Variants in PCLO observed in about 807,000 individuals in gnomAD.
PCLO encodes piccolo presynaptic cytomatrix protein, also known as protein piccolo.
Under a neutral mutation model 427.5 loss-of-function variants are expected in PCLO, and 82 were observed. The ratio of observed to expected loss-of-function variants is 0.19; its 90% confidence interval spans 0.16 to 0.23. PCLO has a LOEUF of 0.23. PCLO is among the 10% of genes least tolerant of loss of function. The probability of loss-of-function intolerance (pLI) is 1.00; values close to 1 mark genes in which losing one functional copy is unlikely to be tolerated. For synonymous variants in PCLO, 2,357 were observed against 2,155.4 expected, an observed-to-expected ratio of 1.09 and a Z score of -2.59; for missense variants, 6,239 against 6,115.9, an observed-to-expected ratio of 1.02 and a Z score of -0.67.
chr7:83,003,260 CTAA>C (rs1787868265), intron 3 of PCLO, among the ~76,000 whole-genome samples: 1 of 151,196 alleles, frequency 6.6e-6, no homozygotes, highest in African/African-American at 2.4e-5. Flanking sequence ...ATATTATATA[CTAA>C]TATTTTAACA....
In PCLO at chr7:83,134,242, T is replaced by TATATATATAA. The variant is rs746054139; in HGVS notation, c.3300+7_3300+8insTTATATATAT. Reference sequence around the variant, plus strand: ...TAATATATATATATATATATATATATAACTTACCTCAGTCAAATGTGGTGT... The same window carrying TATATATATAA: ...TAATATATATATATATATATATATATATATATATAAAACTTACCTCAGTCAAATGTGGTGT... On this transcript the variant is annotated splice_region_variant and intron_variant, in intron 3 of 24. Transcript: ENST00000333891. The TATATATATAA allele has an allele frequency of 2.9e-5, 31 of 1,068,852 alleles. 1 individual carries two copies. The highest frequency in any genetic ancestry group is 1.6e-4 in the African/African-American group (10 of 62,020). The allele number at this position is 1,068,852 out of a possible 1,614,324, so 66.2% of individuals were successfully genotyped here. A position where few individuals can be genotyped will look rare whatever the true frequency, so the allele number is the denominator to read the frequency against.
Position 83,043,912 on chromosome 7 carries a change from C to CTTTTTTTTTTTTTTT in PCLO, c.3301-77440_3301-77426dup, listed in dbSNP as rs869061778. Among the ~76,000 whole-genome samples, 28 of 94,906 alleles carry CTTTTTTTTTTTTTTT rather than the reference C, an allele frequency of 3.0e-4. 1 individual carries two copies. The highest frequency in any genetic ancestry group is 6.5e-4 in the African/African-American group (16 of 24,492). The allele number at this position is 94,906 out of a possible 152,430, so 62.3% of individuals were successfully genotyped here. A position where few individuals can be genotyped will look rare whatever the true frequency, so the allele number is the denominator to read the frequency against. The stretch of plus-strand genomic sequence containing the variant: ...AACTCAATCTTATTACTATTATTTT[C>CTTTTTTTTTTTTTTT]TTTTTTTTTTTTTTTTTTTTTTTGC... On this transcript the variant is annotated intron_variant, in intron 3 of 24. Transcript: ENST00000333891.
intron 22 of PCLO, among the ~76,000 whole-genome samples, chr7:82,799,786 AAG>A (rs1408939578): frequency 6.6e-6 from 1 of 152,144 alleles, no homozygotes; most frequent in African/African-American, 2.4e-5. Context: ...TGCTCCCAGA[AAG>A]CAGGCTTGTC....
At chr7:82,789,261 C>T (rs1368826645) in intron 22 of PCLO, among the ~76,000 whole-genome samples, 1 of 152,106 alleles carries the variant, frequency 6.6e-6, no homozygotes, top group Non-Finnish European at 1.5e-5. Flanking sequence ...CTCAGATAAG[C>T]TTGCTTGTAA....
At chr7:82,980,827 C>A (rs1229101800) in intron 3 of PCLO, among the ~76,000 whole-genome samples, 1 of 152,106 alleles carries the variant, frequency 6.6e-6, no homozygotes, top group Non-Finnish European at 1.5e-5. Flanking sequence ...AGAGGAGGAA[C>A]AGGTTCTGGG....
At chr7:83,142,653 T>C (rs1326641953) in intron 2 of PCLO, among the ~76,000 whole-genome samples, 3 of 152,160 alleles carry the variant, frequency 2.0e-5, no homozygotes, top group African/African-American at 4.8e-5. Context: ...TCTCCTCATA[T>C]AAACTTTTAA....
intron 8 of PCLO, among the ~76,000 whole-genome samples, chr7:82,908,074 A>G (rs777828081): frequency 6.1e-4 from 93 of 152,174 alleles, no homozygotes; most frequent in Non-Finnish European, 1.2e-3. Flanking sequence ...ACTATTTTGG[A>G]TATTTCAATA....
At chr7:82,913,757 G>A (rs1263992874) in intron 7 of PCLO, among the ~76,000 whole-genome samples, 2 of 151,870 alleles carry the variant, frequency 1.3e-5, no homozygotes, top group Non-Finnish European at 2.9e-5. Context: ...ACTTGTTTAT[G>A]GTTGTATATC....
chr7:82,807,258 A>G (rs1791474777), intron 20 of PCLO, among the ~76,000 whole-genome samples: 1 of 152,054 alleles, frequency 6.6e-6, no homozygotes, highest in Non-Finnish European at 1.5e-5. Flanking sequence ...CAATGAATTT[A>G]ACTCTATTCT....
chr7:82,874,875 T>C (rs991129549), intron 10 of PCLO, among the ~76,000 whole-genome samples: 6 of 152,182 alleles, frequency 3.9e-5, no homozygotes, highest in South Asian at 2.1e-4. Context: ...TTGTATACCA[T>C]TGAATACTCC....
At chr7:83,110,169 C>T (rs914188962) in intron 3 of PCLO, among the ~76,000 whole-genome samples, 10 of 150,266 alleles carry the variant, frequency 6.7e-5, no homozygotes, top group Non-Finnish European at 1.3e-4. Flanking sequence ...TAAATGTAGG[C>T]CTTTACAGTG....
rs766327090 is a variant in PCLO, at chr7:82,950,825, T to G, written c.9763A>C (p.Lys3255Gln). 6 of 1,613,618 alleles carry G rather than the reference T, an allele frequency of 3.7e-6. No homozygotes were observed. In the African/African-American group the frequency reaches 8.0e-5, roughly 22 times the overall value. The change falls in exon 6 of 25, where the codon AAA becomes CAA. Residue 3255 changes from lysine (K) to glutamine (Q), a missense_variant. By Grantham distance (53) the Lys-to-Gln change is moderately conservative. Transcript: ENST00000333891. ...ATAGACTGCAGCTCCTCCAACTTTT[T>G]CTGAACCATGATCTTTTCTTGTTCT... ...FREQEKIMVQ[K>Q]KLEELQSMKQ...
Position 82,816,355 on chromosome 7 carries a change from T to A in PCLO, c.14791+6140A>T, listed in dbSNP as rs545114092. 9.1e-4 allele frequency among the ~76,000 whole-genome samples: 139 copies of A among 152,174 alleles called. 1 individual carries two copies. Among genetic ancestry groups the A allele is most frequent in the Non-Finnish European group, 1.7e-3 (118 of 68,006 alleles). ...CATATCCCTGGTTCCATGATCCTCC[T>A]ATCCAAGTGAGAAAGTTGCCTGCCC... is the stretch of plus-strand genomic sequence containing the variant. On this transcript the variant is annotated intron_variant, in intron 20 of 24. Coordinates refer to ENST00000333891, the MANE Select transcript of PCLO (RefSeq NM_033026.6).
At chr7:82,869,809 T>C (rs1158164657) in intron 10 of PCLO, among the ~76,000 whole-genome samples, 1 of 151,948 alleles carries the variant, frequency 6.6e-6, no homozygotes, top group Non-Finnish European at 1.5e-5. Flanking sequence ...AGCTACAGTA[T>C]AATGAAATAC....
intron 1 of PCLO, among the ~76,000 whole-genome samples, chr7:83,157,343 T>C (rs1792327176): frequency 6.6e-6 from 1 of 152,202 alleles, no homozygotes; most frequent in Admixed American, 6.5e-5. Context: ...TAATAGATGC[T>C]TAAATCATCT....
At chr7:83,097,555 C>A (rs1264821521) in intron 3 of PCLO, among the ~76,000 whole-genome samples, 2 of 145,980 alleles carry the variant, frequency 1.4e-5, no homozygotes, top group Non-Finnish European at 3.0e-5. Context: ...ATATAAAATA[C>A]ATATATTATA....
rs1216924840 is a variant in PCLO, at chr7:82,953,333, T to G, written c.7620A>C (p.Ser2540=). The change falls in exon 5 of 25, where the codon TCA becomes TCC. Residue 2540 remains serine, a synonymous_variant. Coordinates refer to ENST00000333891, the MANE Select transcript of PCLO (RefSeq NM_033026.6). ...HPKPTGLSLT[S]SMTLNLVTSA... ...AAGTCACTAAATTTAAGGTCATACT[T>G]GAAGTTAAAGATAGGCCTGTTGGTT... 6.2e-7 allele frequency: 1 copy of G among 1,613,798 alleles called. No homozygotes were observed. The highest frequency in any genetic ancestry group is 8.5e-7 in the Non-Finnish European group (1 of 1,179,824).
At chr7:83,139,983 AG>A (rs1791822948) in intron 2 of PCLO, among the ~76,000 whole-genome samples, 1 of 152,200 alleles carries the variant, frequency 6.6e-6, no homozygotes, top group Non-Finnish European at 1.5e-5. Context: ...AAAAGACAAA[AG>A]AAAAAGAAAA....
rs944738295 is a variant in PCLO, at chr7:82,915,065, C to T, written c.12921G>A (p.Arg4307=). 6.8e-6 allele frequency: 11 copies of T among 1,611,476 alleles called. No individual in the cohort carries two copies. The highest frequency in any genetic ancestry group is 9.3e-6 in the Non-Finnish European group (11 of 1,178,646). The change falls in exon 7 of 25, where the codon AGG becomes AGA. Residue 4307 remains arginine, a synonymous_variant. Coordinates refer to ENST00000333891, the MANE Select transcript of PCLO (RefSeq NM_033026.6). ...GTCTTAGGGAAGAGCTAGAAGAATC[C>T]CTTTTAATTGATAAATCAAGCCCAT... ...SVYGLDLSIK[R]DSSSSSLRLK... is the part of the protein sequence containing the mutation.
Sources: allele counts gnomAD v4.1 joint callset (sites outside exome capture counted in the v4.1 genomes callset), GRCh38; gene constraint gnomAD v4.1.1; transcripts MANE v1.5; gene names NCBI Gene and HGNC (gene_info 2026-07-23, HGNC 2026-07-21).